GIPC3: variants seen among roughly 807,000 people sequenced by gnomAD.
The protein encoded by GIPC3 is PDZ domain-containing protein GIPC3.
GIPC3 carries 16 observed loss-of-function variants against 27.3 expected under a neutral mutation model. The ratio of observed to expected loss-of-function variants is 0.59; its 90% CI spans 0.40 to 0.89. The LOEUF is 0.89. GIPC3 is among the 40% of genes least tolerant of loss of function. The pLI is 0.00. For missense variants in GIPC3, 440 were observed against 442.1 expected, an observed-to-expected ratio of 1.00 and a Z score of 0.04; for synonymous variants, 194 against 184.6, an observed-to-expected ratio of 1.05 and a Z score of -0.41.
In GIPC3 at chr19:3,590,798, G is replaced by A. The variant is rs543096741; in HGVS notation, c.*608G>A. ...GCTCTAGAACTCAGATGGGCTCTGA[G>A]ACCGAGCCCAGCTCTAGAACTCAGA... On this transcript the variant is annotated 3_prime_UTR_variant, in exon 6 of 6. Transcript: ENST00000644452. 4.3e-4 allele frequency: 536 copies of A among 1,232,850 alleles called. 11 individuals are homozygous for A. The African/African-American group carries it at 7.7e-3, about 18-fold the overall frequency. The allele number at this position is 1,232,850 out of a possible 1,614,324, so 76.4% of individuals were successfully genotyped here.
At position 3,585,552 on chromosome 19, in the gene GIPC3, G is replaced by A. The variant is rs545605260; in HGVS notation, c.-46G>A. On this transcript the variant is annotated 5_prime_UTR_variant, in exon 1 of 6. Transcript: ENST00000644452. ...GGAGGCTGCAGGAAGCGGCGGATCC[G>A]GCGGCGGCGGCGAGGGCCCGGGTGG... is the stretch of plus-strand genomic sequence containing the variant. The A allele has an allele frequency of 5.4e-6, 6 of 1,119,116 alleles. No homozygotes were observed. The highest frequency in any genetic ancestry group is 4.6e-5 in the East Asian group (1 of 21,650). 69.3% of individuals were successfully genotyped at this position (1,119,116 alleles called of 1,614,324 possible).
intron 3 of GIPC3, among the ~76,000 whole-genome samples, chr19:3,589,097 G>A (rs2032432048): frequency 1.3e-5 from 2 of 152,082 alleles, no homozygotes; most frequent in African/African-American, 4.8e-5. Flanking sequence ...CCGGGTTCTG[G>A]AACCCAGACA....
chr19:3,586,569 C>T lies in GIPC3; in HGVS notation c.300C>T (p.Asp100=), dbSNP rs571334613. The T allele has an allele frequency of 1.2e-6, 2 of 1,613,862 alleles. No homozygotes were observed. Among genetic ancestry groups the T allele is most frequent in the African/African-American group, 1.3e-5 (1 of 75,012 alleles). Residue 100 remains aspartate (D), a synonymous_variant, in exon 2 of 6, where the codon GAC becomes GAT. Transcript: ENST00000644452. ...KLLGGQIGLE[D]FIFAHVRGET... is the part of the protein sequence containing the mutation. The stretch of plus-strand genomic sequence containing the variant: ...TGGGGGGTCAGATAGGCCTGGAGGA[C>T]TTCATCTTTGCCCACGTGCGAGGCG...
In GIPC3 at chr19:3,592,328, A is replaced by G. The variant is rs1024161840; in HGVS notation, c.*2138A>G. 1.6e-6 allele frequency: 2 copies of G among 1,232,014 alleles called. No homozygotes were observed. The highest frequency in any genetic ancestry group is 2.0e-6 in the Non-Finnish European group (2 of 987,938). 76.3% of individuals were successfully genotyped at this position (1,232,014 alleles called of 1,614,324 possible). A position where few individuals can be genotyped will look rare whatever the true frequency, so the allele number is the denominator to read the frequency against. On this transcript the variant is annotated 3_prime_UTR_variant, in exon 6 of 6. Coordinates refer to ENST00000644452, the MANE Select transcript of GIPC3 (RefSeq NM_133261.3). ...ACTTTGGGAAGCAGAGCAGTTCTGAAAGTCAGCTTAGCTTTGGAACTCAGC... is the reference window on the plus strand; with the variant it reads ...ACTTTGGGAAGCAGAGCAGTTCTGAGAGTCAGCTTAGCTTTGGAACTCAGC...
Position 3,585,567 on chromosome 19 carries a change from G to A in GIPC3, c.-31G>A, listed in dbSNP as rs1255431720. The A allele has an allele frequency of 2.6e-6, 3 of 1,144,772 alleles. No homozygotes were observed. Among genetic ancestry groups the A allele is most frequent in the Non-Finnish European group, 3.2e-6 (3 of 932,632 alleles). The allele number at this position is 1,144,772 out of a possible 1,614,324, so 70.9% of individuals were successfully genotyped here. A position where few individuals can be genotyped will look rare whatever the true frequency, so the allele number is the denominator to read the frequency against. ...CGGCGGATCCGGCGGCGGCGGCGAG[G>A]GCCCGGGTGGGTGGCCGAACTTCTC... On this transcript the variant is annotated 5_prime_UTR_variant, in exon 1 of 6. Transcript: ENST00000644452.
chr19:3,593,392 G>A lies in GIPC3; in HGVS notation c.*3202G>A, dbSNP rs935819741. 1.6e-5 allele frequency: 17 copies of A among 1,057,428 alleles called. No homozygotes were observed. The Admixed American group carries it at 1.7e-4, about 11-fold the overall frequency. 65.5% of individuals were successfully genotyped at this position (1,057,428 alleles called of 1,614,324 possible). On this transcript the variant is annotated 3_prime_UTR_variant, in exon 6 of 6. Transcript: ENST00000644452. Reference sequence around the variant, plus strand: ...AAGTGACCTTATTTCTCCAGCAGGCGGTGGTAGGGAGTGTGCGGTGGTGAA... The same window carrying A: ...AAGTGACCTTATTTCTCCAGCAGGCAGTGGTAGGGAGTGTGCGGTGGTGAA...
intron 3 of GIPC3, among the ~76,000 whole-genome samples, chr19:3,589,076 C>T (rs10518241): frequency 6.6e-6 from 1 of 152,060 alleles, no homozygotes; most frequent in African/African-American, 2.4e-5. Context: ...CACCTCAGTC[C>T]TGACACTAAG....
Position 3,592,421 on chromosome 19 carries a change from C to G in GIPC3, c.*2231C>G, listed in dbSNP as rs1230075778. 1.6e-6 allele frequency: 2 copies of G among 1,231,762 alleles called. No homozygotes were observed. Among genetic ancestry groups the G allele is most frequent in the African/African-American group, 1.6e-5 (1 of 64,340 alleles). The allele number at this position is 1,231,762 out of a possible 1,614,324, so 76.3% of individuals were successfully genotyped here. A position where few individuals can be genotyped will look rare whatever the true frequency, so the allele number is the denominator to read the frequency against. ...CTGGAAGTCAGCTTAGTTCGGGAAC[C>G]CAGCTGATTTCCGGAGCCCAACCCA... On this transcript the variant is annotated 3_prime_UTR_variant, in exon 6 of 6. Transcript: ENST00000644452.
rs727504653 is a variant in GIPC3 at position 3,585,804 on chromosome 19, C to T, written c.207C>T (p.Phe69=). Residue 69 remains phenylalanine, a synonymous_variant, in exon 1 of 6, where the codon TTC becomes TTT. Coordinates refer to ENST00000644452, the MANE Select transcript of GIPC3 (RefSeq NM_133261.3). Reference sequence around the variant, plus strand: ...TGTACGCCAAGATCGCCGAAGCCTTCGGGATCGCGCCCACCGAGGTAAGGA... The same window carrying T: ...TGTACGCCAAGATCGCCGAAGCCTTTGGGATCGCGCCCACCGAGGTAAGGA... The part of the protein sequence containing the change: ...RELYAKIAEA[F]GIAPTEILFC... The T allele has an allele frequency of 5.1e-4, 791 of 1,546,174 alleles. 10 individuals are homozygous for T. Among genetic ancestry groups the T allele is most frequent in the Non-Finnish European group, 1.6e-4 (182 of 1,146,238 alleles).
In GIPC3 at chr19:3,591,437, T is replaced by C. The variant is rs1458566435; in HGVS notation, c.*1247T>C. The C allele has an allele frequency of 1.6e-6, 2 of 1,232,198 alleles. No individual in the cohort carries two copies. The highest frequency in any genetic ancestry group is 3.2e-5 in the East Asian group (1 of 31,730). The allele number at this position is 1,232,198 out of a possible 1,614,324, so 76.3% of individuals were successfully genotyped here. A position where few individuals can be genotyped will look rare whatever the true frequency, so the allele number is the denominator to read the frequency against. ...CCAAGCCCTGCTGGAAAACTCAAGC[T>C]GACTCTGGAACTCTGGACAGCTCCA... is the stretch of plus-strand genomic sequence containing the variant. On this transcript the variant is annotated 3_prime_UTR_variant, in exon 6 of 6. Coordinates refer to ENST00000644452, the MANE Select transcript of GIPC3 (RefSeq NM_133261.3).
chr19:3,592,314 C>G lies in GIPC3; in HGVS notation c.*2124C>G, dbSNP rs746238944. ...TGGTATTCAACTGGACTTTGGGAAG[C>G]AGAGCAGTTCTGAAAGTCAGCTTAG... On this transcript the variant is annotated 3_prime_UTR_variant, in exon 6 of 6. Transcript: ENST00000644452. 1.6e-6 allele frequency: 2 copies of G among 1,231,968 alleles called. No individual in the cohort carries two copies. The highest frequency in any genetic ancestry group is 1.6e-5 in the African/African-American group (1 of 64,390). 76.3% of individuals were successfully genotyped at this position (1,231,968 alleles called of 1,614,324 possible).
In GIPC3 at chr19:3,590,967, C is replaced by T; in HGVS notation, c.*777C>T. The T allele has an allele frequency of 8.1e-7, 1 of 1,233,404 alleles. No individual in the cohort carries two copies. Among genetic ancestry groups the T allele is most frequent in the African/African-American group, 1.6e-5 (1 of 64,260 alleles). 76.4% of individuals were successfully genotyped at this position (1,233,404 alleles called of 1,614,324 possible). A position where few individuals can be genotyped will look rare whatever the true frequency, so the allele number is the denominator to read the frequency against. ...GACAGAGCCCAGTATTGAGACCAAG[C>T]CCTGTTCTAGAGTCCAGGCCAGCTC... On this transcript the variant is annotated 3_prime_UTR_variant, in exon 6 of 6. Transcript: ENST00000644452.
intron 3 of GIPC3, among the ~76,000 whole-genome samples, chr19:3,587,525 ACCCG>A (rs1440408138): frequency 6.6e-6 from 1 of 151,122 alleles, no homozygotes; most frequent in African/African-American, 2.4e-5. Flanking sequence ...CAAGTGCTCC[ACCCG>A]CCTCAGTCTC....
chr19:3,589,864 G>A lies in GIPC3; in HGVS notation c.739G>A (p.Val247Ile), dbSNP rs757053567. 5.6e-6 allele frequency: 9 copies of A among 1,613,928 alleles called. No individual in the cohort carries two copies. In the South Asian group the frequency reaches 7.7e-5, roughly 14 times the overall value. The change falls in exon 5 of 6, where the codon GTT becomes ATT. Residue 247 changes from valine to isoleucine, a missense_variant. Transcript: ENST00000644452. ...GTTTGAGGAGGAGGCATCTCGGAAG[G>A]TTGATGACCTGCTGGAAAGCTACAT... ...SEFEEEASRK[V>I]DDLLESYMGI...
intron 1 of GIPC3, among the ~76,000 whole-genome samples, chr19:3,586,255 A>AG (rs929935388): frequency 2.0e-5 from 3 of 151,902 alleles, no homozygotes; most frequent in Admixed American, 6.6e-5. Flanking sequence ...TGCAGCCCCC[A>AG]GGGGGCGCCA....
chr19:3,592,060 C>T lies in GIPC3; in HGVS notation c.*1870C>T, dbSNP rs766413683. On this transcript the variant is annotated 3_prime_UTR_variant, in exon 6 of 6. Coordinates refer to ENST00000644452, the MANE Select transcript of GIPC3 (RefSeq NM_133261.3). ...TCCAAAACACAGACAGCAGCTGAGA[C>T]CCAGCCAAGTTCCAGAATCCAGCTA... 1,136 of 1,232,182 alleles carry T rather than the reference C, an allele frequency of 9.2e-4. No homozygotes were observed. The highest frequency in any genetic ancestry group is 1.1e-3 in the Non-Finnish European group (1,063 of 988,116). 76.3% of individuals were successfully genotyped at this position (1,232,182 alleles called of 1,614,324 possible).
chr19:3,588,254 C>T (rs916050639), intron 3 of GIPC3, among the ~76,000 whole-genome samples: 4 of 152,214 alleles, frequency 2.6e-5, no homozygotes, highest in East Asian at 1.9e-4. Context: ...CTGCCCGCCT[C>T]GGCCTCCGAA....
intron 3 of GIPC3, among the ~76,000 whole-genome samples, chr19:3,587,267 T>C (rs1470805213): frequency 6.6e-6 from 1 of 150,424 alleles, no homozygotes; most frequent in East Asian, 1.9e-4. Context: ...CTGGGAGACT[T>C]GTTTTTGTTT....
At position 3,591,816 on chromosome 19, in the gene GIPC3, A is replaced by G; in HGVS notation, c.*1626A>G. The G allele has an allele frequency of 8.1e-7, 1 of 1,233,738 alleles. No individual in the cohort carries two copies. Among genetic ancestry groups the G allele is most frequent in the Non-Finnish European group, 1.0e-6 (1 of 989,330 alleles). 76.4% of individuals were successfully genotyped at this position (1,233,738 alleles called of 1,614,324 possible). ...TCAGACCAGCTCTGGAACCCCATCCATCTTGGAAGCAAGACCCAGCTCCAG... is the reference window on the plus strand; with the variant it reads ...TCAGACCAGCTCTGGAACCCCATCCGTCTTGGAAGCAAGACCCAGCTCCAG... On this transcript the variant is annotated 3_prime_UTR_variant, in exon 6 of 6. Transcript: ENST00000644452.
Sources: gnomAD v4.1 joint callset for allele counts (sites outside exome capture counted in the v4.1 genomes callset) on GRCh38, gnomAD v4.1.1 for gene constraint, MANE v1.5 for transcripts, NCBI Gene and HGNC (gene_info 2026-07-23, HGNC 2026-07-21) for gene names.